Variants in CALD1 observed in about 807,000 individuals in gnomAD.
CALD1 encodes caldesmon 1.
In CALD1, 33 loss-of-function variants were observed where a neutral mutation model predicts 99.9. The ratio of observed to expected loss-of-function variants is 0.33; its 90% CI spans 0.25 to 0.44. The LOEUF (loss-of-function observed/expected upper bound fraction) is 0.44. CALD1 is among the 20% of genes least tolerant of loss of function. The probability of loss-of-function intolerance (pLI) is 1.00; values close to 1 mark genes in which losing one functional copy is unlikely to be tolerated. For synonymous variants in CALD1, 310 were observed against 325.0 expected (o/e 0.95, Z 0.50); for missense variants, 861 against 962.1 (o/e 0.89, Z 1.39).
Position 134,942,858 on chromosome 7 carries a change from A to C in CALD1, c.1532+1621A>C, listed in dbSNP as rs1241043704. 2.6e-5 allele frequency among the ~76,000 whole-genome samples: 4 copies of C among 152,254 alleles called. 1 individual carries two copies. Among genetic ancestry groups the C allele is most frequent in the African/African-American group, 9.6e-5 (4 of 41,460 alleles). ...ATTAGCAAACTTGCCAACAAGCTTC[A>C]AAGCTCAAATTAATAATTAACATGC... On this transcript the variant is annotated intron_variant, in intron 7 of 14. Transcript: ENST00000361675.
chr7:134,828,465 C>A (rs1799092186), intron 1 of CALD1, among the ~76,000 whole-genome samples: 2 of 152,172 alleles, frequency 1.3e-5, no homozygotes, highest in Admixed American at 1.3e-4. Context: ...CCCAGCCAAC[C>A]TTAACACAGA....
At chr7:134,835,822 T>C (rs542437915) in intron 1 of CALD1, among the ~76,000 whole-genome samples, 2 of 152,284 alleles carry the variant, frequency 1.3e-5, no homozygotes, top group South Asian at 4.1e-4. Flanking sequence ...TTATCCTATA[T>C]GCTGGAGGCT....
the CALD1 span, among the ~76,000 whole-genome samples, chr7:134,737,716 G>C: frequency 6.6e-6 from 1 of 152,116 alleles, no homozygotes; most frequent in African/African-American, 2.4e-5. Flanking sequence ...CCAGTGTTTT[G>C]TAATTCCTTT....
In CALD1 at chr7:134,911,414, G is replaced by A. The variant is rs147053002; in HGVS notation, c.72-17340G>A. Reference sequence around the variant, plus strand: ...GCTCTGTGTGTGTGCACATGCTTTGGTTTTGGGGATGACCTTCTCCCGCCT... The same window carrying A: ...GCTCTGTGTGTGTGCACATGCTTTGATTTTGGGGATGACCTTCTCCCGCCT... On this transcript the variant is annotated intron_variant, in intron 3 of 14. Coordinates refer to ENST00000361675, the MANE Select transcript of CALD1 (RefSeq NM_033138.4). Among the ~76,000 whole-genome samples the A allele has an allele frequency of 5.7e-3, 873 of 152,142 alleles. 10 individuals carry two copies. The highest frequency in any genetic ancestry group is 0.02 in the African/African-American group (828 of 41,516).
chr7:134,854,818 T>A (rs1451457320), intron 2 of CALD1, among the ~76,000 whole-genome samples: 1 of 152,160 alleles, frequency 6.6e-6, no homozygotes, highest in Non-Finnish European at 1.5e-5. Context: ...ATGGTTTGGA[T>A]TTGTGTCCCT....
chr7:134,914,684 T>C (rs1479606435), intron 3 of CALD1, among the ~76,000 whole-genome samples: 2 of 152,304 alleles, frequency 1.3e-5, no homozygotes, highest in East Asian at 3.9e-4. Flanking sequence ...ATTTCCCGAT[T>C]CTGCAACCTT....
upstream of CALD1, among the ~76,000 whole-genome samples, chr7:134,739,905 T>TTTTTTTTTTTTTTTTTTG (rs1554420363): frequency 6.6e-6 from 1 of 151,366 alleles, no homozygotes; most frequent in African/African-American, 2.4e-5. Flanking sequence ...ATTTTATTCT[T>TTTTTTTTTTTTTTTTTTG]AAGTCACCTA....
At chr7:134,963,909 G>A (rs181845148) in intron 13 of CALD1, among the ~76,000 whole-genome samples, 1 of 152,282 alleles carries the variant, frequency 6.6e-6, no homozygotes, top group Non-Finnish European at 1.5e-5. Flanking sequence ...CTAGAAAAGG[G>A]ACTTTGTGGC....
chr7:134,880,819 T>A (rs1222894721), intron 3 of CALD1, among the ~76,000 whole-genome samples: 3 of 152,002 alleles, frequency 2.0e-5, no homozygotes, highest in Non-Finnish European at 4.4e-5. Context: ...AGCAGGAGAG[T>A]GTATTTTCCC....
rs187545289 is a variant in CALD1, at chr7:134,826,660, T to G, written c.-129-17224T>G. Among the ~76,000 whole-genome samples, 480 of 152,330 alleles carry G rather than the reference T, an allele frequency of 3.2e-3. 2 individuals are homozygous for G. The highest frequency in any genetic ancestry group is 4.6e-3 in the Non-Finnish European group (310 of 68,022). ...TACTGATAATATTGGTTTTGTATTG[T>G]TGGTTCATTGTTCCTAAGTATGAAA... On this transcript the variant is annotated intron_variant, in intron 1 of 14. Transcript: ENST00000361675.
chr7:134,942,973 G>A (rs917838721), intron 7 of CALD1, among the ~76,000 whole-genome samples: 7 of 152,098 alleles, frequency 4.6e-5, no homozygotes, highest in Admixed American at 3.3e-4. Flanking sequence ...GAACACTTAC[G>A]TGTGACTCTG....
At chr7:134,728,326 C>T in the CALD1 span, among the ~76,000 whole-genome samples, 5 of 152,098 alleles carry the variant, frequency 3.3e-5, no homozygotes, top group African/African-American at 7.2e-5. Context: ...AGCACAGCCA[C>T]GTGGTAGAAG....
intron 1 of CALD1, among the ~76,000 whole-genome samples, chr7:134,763,645 C>T (rs541247695): frequency 6.6e-6 from 1 of 152,204 alleles, no homozygotes; most frequent in South Asian, 2.1e-4. Flanking sequence ...ACTAGCTGGG[C>T]GCAATGGCTC....
At chr7:134,843,662 T>C (rs1173150582) in intron 1 of CALD1, among the ~76,000 whole-genome samples, 1 of 152,214 alleles carries the variant, frequency 6.6e-6, no homozygotes, top group Non-Finnish European at 1.5e-5. Context: ...TATACCTCCT[T>C]CTCCAGAATA....
chr7:134,813,628 A>T (rs765416495), intron 1 of CALD1, among the ~76,000 whole-genome samples: 2 of 152,158 alleles, frequency 1.3e-5, no homozygotes, highest in Non-Finnish European at 2.9e-5. Flanking sequence ...TTCTCAGTTC[A>T]ATAAGGAAGC....
chr7:134,919,814 A>G (rs906393860), intron 3 of CALD1, among the ~76,000 whole-genome samples: 11 of 152,198 alleles, frequency 7.2e-5, no homozygotes, highest in African/African-American at 2.7e-4. Context: ...TTTTTCTTCT[A>G]AACCAAGAGG....
the CALD1 span, among the ~76,000 whole-genome samples, chr7:134,726,485 T>A: frequency 7.4e-6 from 1 of 135,708 alleles, no homozygotes; most frequent in Non-Finnish European, 1.6e-5. Context: ...ATATAATATA[T>A]ATTATATAGC....
intron 10 of CALD1, 30 bp from the exon 11 acceptor site, chr7:134,958,179 A>G (rs1359438571): frequency 6.2e-7 from 1 of 1,611,504 alleles, no homozygotes; most frequent in Non-Finnish European, 8.5e-7. Context: ...TCTCTCTCAT[A>G]TTTTTATATG....
At chr7:134,949,471 G>T (rs1807164902) in intron 8 of CALD1, among the ~76,000 whole-genome samples, 1 of 152,152 alleles carries the variant, frequency 6.6e-6, no homozygotes, top group African/African-American at 2.4e-5. Context: ...AGGGGTTAAT[G>T]AGACAGTCTG....
Sources: allele counts gnomAD v4.1 joint callset (sites outside exome capture counted in the v4.1 genomes callset), GRCh38; gene constraint gnomAD v4.1.1; transcripts MANE v1.5; gene names NCBI Gene and HGNC (gene_info 2026-07-23, HGNC 2026-07-21).